The following XYLT1 variants were observed in gnomAD, a reference collection of about 807,000 sequenced individuals.
XYLT1 encodes xylosyltransferase 1.
Under a neutral mutation model 91.3 loss-of-function variants are expected in XYLT1, and 36 were observed. The ratio of observed to expected loss-of-function variants is 0.39; its 90% CI spans 0.30 to 0.52. The LOEUF (loss-of-function observed/expected upper bound fraction) is 0.52. Ranked by LOEUF, XYLT1 falls within the 20% of genes least tolerant of loss-of-function variation. The probability of loss-of-function intolerance (pLI) is 0.68; values close to 1 mark genes in which losing one functional copy is unlikely to be tolerated. For synonymous variants in XYLT1, 588 were observed against 532.0 expected (o/e 1.11, Z -1.45); for missense variants, 1,242 against 1,284.5 (o/e 0.97, Z 0.51).
chr16:17,223,030 G>A (rs1314457112), intron 3 of XYLT1, among the ~76,000 whole-genome samples: 4 of 143,912 alleles, frequency 2.8e-5, no homozygotes, highest in Non-Finnish European at 4.5e-5. Context: ...AGGCAACTGC[G>A]CCAGGAAAAA....
At chr16:17,383,022 C>T (rs532167013) in intron 1 of XYLT1, among the ~76,000 whole-genome samples, 18 of 151,894 alleles carry the variant, frequency 1.2e-4, no homozygotes, top group Admixed American at 8.6e-4. Context: ...CACACCATGC[C>T]GCCTGTCCTG....
chr16:17,283,477 G>GGCACACAC (rs1168172263), intron 2 of XYLT1, among the ~76,000 whole-genome samples: 2 of 152,104 alleles, frequency 1.3e-5, no homozygotes, highest in Non-Finnish European at 2.9e-5. Context: ...TGCACACATA[G>GGCACACAC]GCACACACGC....
chr16:17,170,663 C>T (rs868481634), intron 5 of XYLT1, among the ~76,000 whole-genome samples: 4 of 152,312 alleles, frequency 2.6e-5, no homozygotes, highest in Middle Eastern at 3.4e-3. Flanking sequence ...TGTACTGACA[C>T]GCTGACCTTT....
chr16:17,261,219 G>T (rs564785166), intron 2 of XYLT1, among the ~76,000 whole-genome samples: 1 of 148,424 alleles, frequency 6.7e-6, no homozygotes, highest in Admixed American at 6.7e-5. Context: ...TTCCAGCCTG[G>T]GGGGAGAGTG....
At chr16:17,415,658 C>T (rs145192343) in intron 1 of XYLT1, among the ~76,000 whole-genome samples, 1 of 152,086 alleles carries the variant, frequency 6.6e-6, no homozygotes, top group East Asian at 1.9e-4. Flanking sequence ...CACCATTGCA[C>T]TCCAGCTTGG....
intron 1 of XYLT1, among the ~76,000 whole-genome samples, chr16:17,379,755 T>TTTCACA (rs2035649344): frequency 1.5e-5 from 2 of 130,348 alleles, no homozygotes; most frequent in African/African-American, 6.5e-5. Flanking sequence ...TCTCTCTCTC[T>TTTCACA]CTCTCTCTCA....
chr16:17,148,837 G>C (rs1399636989), intron 6 of XYLT1, among the ~76,000 whole-genome samples: 1 of 152,196 alleles, frequency 6.6e-6, no homozygotes, highest in Non-Finnish European at 1.5e-5. Context: ...AGAAATGAGA[G>C]AGAATCAAAA....
chr16:17,139,464 C>G (rs2030895588), intron 7 of XYLT1, among the ~76,000 whole-genome samples: 1 of 152,158 alleles, frequency 6.6e-6, no homozygotes, highest in South Asian at 2.1e-4. Flanking sequence ...ACACACGGAG[C>G]TTTGGTCACC....
intron 1 of XYLT1, among the ~76,000 whole-genome samples, chr16:17,425,557 T>C (rs2036306896): frequency 6.6e-6 from 1 of 152,168 alleles, no homozygotes; most frequent in Admixed American, 6.5e-5. Flanking sequence ...AAACCAAAGC[T>C]CACATTTAAA....
chr16:17,344,077 C>T (rs12596741), intron 2 of XYLT1, among the ~76,000 whole-genome samples: 58,218 of 151,866 alleles, frequency 0.38, 11,549 homozygotes, highest in Middle Eastern at 0.46. Flanking sequence ...CAGAGATATT[C>T]GGCAATGTCC....
chr16:17,307,628 C>A (rs991295624), intron 2 of XYLT1, among the ~76,000 whole-genome samples: 4 of 152,188 alleles, frequency 2.6e-5, no homozygotes, highest in African/African-American at 9.7e-5. Flanking sequence ...ATCAATACAT[C>A]TTTCATAAGA....
In XYLT1 at chr16:17,108,714, G is replaced by C. The variant is rs1247693327; in HGVS notation, c.2861C>G (p.Pro954Arg). 2.5e-6 allele frequency: 4 copies of C among 1,584,926 alleles called. No individual in the cohort carries two copies. Among genetic ancestry groups the C allele is most frequent in the Non-Finnish European group, 3.4e-6 (4 of 1,166,984 alleles). ...CCAGTGCTACCTGAGCCGGCCATCAGGTTTGACTGCCCCCAGCTCCGACTT... is the reference window on the plus strand; with the variant it reads ...CCAGTGCTACCTGAGCCGGCCATCACGTTTGACTGCCCCCAGCTCCGACTT... Reference protein sequence around the residue: ...DPKSELGAVKPDGRLR With the variant: ...DPKSELGAVKRDGRLR Residue 954 changes from proline (P) to arginine (R), a missense_variant, in exon 12 of 12, where the codon CCT becomes CGT. Transcript: ENST00000261381.
At chr16:17,328,836 A>G (rs1343781929) in intron 2 of XYLT1, among the ~76,000 whole-genome samples, 1 of 152,190 alleles carries the variant, frequency 6.6e-6, no homozygotes, top group Non-Finnish European at 1.5e-5. Flanking sequence ...TAAATGGGTG[A>G]TAGAGTTTAG....
At chr16:17,317,948 T>G (rs1306082513) in intron 2 of XYLT1, among the ~76,000 whole-genome samples, 2 of 152,224 alleles carry the variant, frequency 1.3e-5, no homozygotes, top group Admixed American at 1.3e-4. Context: ...TTTATTCCCA[T>G]TGCTCAATGC....
At chr16:17,442,679 G>A (rs2036546233) in intron 1 of XYLT1, among the ~76,000 whole-genome samples, 1 of 152,110 alleles carries the variant, frequency 6.6e-6, no homozygotes, top group African/African-American at 2.4e-5. Context: ...ACCACCCCAG[G>A]GGATGCTGGG....
chr16:17,183,961 T>G (rs1370736274), intron 5 of XYLT1, among the ~76,000 whole-genome samples: 1 of 151,976 alleles, frequency 6.6e-6, no homozygotes, highest in African/African-American at 2.4e-5. Context: ...CTTATCCCAC[T>G]TTTAATACAT....
chr16:17,190,702 C>T (rs971691331), intron 5 of XYLT1, among the ~76,000 whole-genome samples: 1 of 152,048 alleles, frequency 6.6e-6, no homozygotes, highest in Non-Finnish European at 1.5e-5. Flanking sequence ...CATTGATGGA[C>T]ATTTGGATTG....
At chr16:17,231,298 G>T (rs2033152970) in intron 3 of XYLT1, among the ~76,000 whole-genome samples, 1 of 152,152 alleles carries the variant, frequency 6.6e-6, no homozygotes, top group Non-Finnish European at 1.5e-5. Flanking sequence ...AATTTATTGA[G>T]CATTTACCAT....
intron 3 of XYLT1, among the ~76,000 whole-genome samples, chr16:17,244,066 A>G (rs565111294): frequency 2.6e-5 from 4 of 152,264 alleles, no homozygotes; most frequent in African/African-American, 9.6e-5. Flanking sequence ...AAATGTCTCT[A>G]GGCATGTCCA....
Sources: gnomAD v4.1 joint callset for allele counts (sites outside exome capture counted in the v4.1 genomes callset) on GRCh38, gnomAD v4.1.1 for gene constraint, MANE v1.5 for transcripts, NCBI Gene and HGNC (gene_info 2026-07-23, HGNC 2026-07-21) for gene names.